The following KMT2C variants were observed in gnomAD, a reference collection of about 807,000 sequenced individuals.
KMT2C encodes histone-lysine N-methyltransferase 2C.
A neutral mutation model predicts 507.9 loss-of-function variants in KMT2C; 88 were observed. The ratio of observed to expected loss-of-function variants is 0.17; its 90% confidence interval spans 0.15 to 0.21. KMT2C has a LOEUF of 0.21. Among genes scored for constraint, KMT2C ranks in the 10% least tolerant of loss-of-function variants. The pLI, the probability that KMT2C is intolerant of heterozygous loss-of-function variation, is 1.00. For synonymous variants in KMT2C, 2,049 were observed against 2,080.8 expected (o/e 0.98, Z 0.42); for missense variants, 4,954 against 5,957.8 (o/e 0.83, Z 5.55).
chr7:152,297,096 AG>A (rs1172609516), intron 6 of KMT2C, among the ~76,000 whole-genome samples: 3 of 146,860 alleles, frequency 2.0e-5, no homozygotes, highest in African/African-American at 7.5e-5. Flanking sequence ...AGAGAGAGAA[AG>A]AAAGAAAGAC....
chr7:152,164,291 A>G (rs1036516399), intron 42 of KMT2C, among the ~76,000 whole-genome samples: 1 of 142,654 alleles, frequency 7.0e-6, no homozygotes, highest in African/African-American at 2.6e-5. Context: ...ATTGTACAAC[A>G]TTTTTTTTTT....
intron 2 of KMT2C, among the ~76,000 whole-genome samples, chr7:152,355,550 C>CA (rs1056331114): frequency 8.0e-5 from 12 of 150,632 alleles, no homozygotes; most frequent in African/African-American, 2.4e-4. Flanking sequence ...TAGGAAAAAA[C>CA]AAAAAAACAA....
rs375787040 is a variant in KMT2C at position 152,308,639 on chromosome 7, C to T, written c.849+1327G>A. On this transcript the variant is annotated intron_variant, in intron 6 of 58. Coordinates refer to ENST00000262189, the MANE Select transcript of KMT2C (RefSeq NM_170606.3). The stretch of plus-strand genomic sequence containing the variant: ...GCAGTGAGCTGAGATCATGCCACCA[C>T]ACTCCAGCCTGCACAACACAGCAAA... Among the ~76,000 whole-genome samples, 32 of 136,818 alleles carry T rather than the reference C, an allele frequency of 2.3e-4. No individual in the cohort carries two copies. The East Asian group carries it at 3.8e-3, about 16-fold the overall frequency. The allele number at this position is 136,818 out of a possible 152,430, so 89.8% of individuals were successfully genotyped here.
At chr7:152,338,556 A>T (rs2096959767) in intron 2 of KMT2C, among the ~76,000 whole-genome samples, 1 of 152,230 alleles carries the variant, frequency 6.6e-6, no homozygotes, top group Non-Finnish European at 1.5e-5. Context: ...GATAAATCAA[A>T]GTGTGCCTAA....
At chr7:152,346,593 A>G (rs1393141484) in intron 2 of KMT2C, among the ~76,000 whole-genome samples, 1 of 152,228 alleles carries the variant, frequency 6.6e-6, no homozygotes, top group Non-Finnish European at 1.5e-5. Flanking sequence ...AGGAAAAGTT[A>G]TGGCATTTAA....
At chr7:152,143,589 CA>C (rs1353717079) in intron 55 of KMT2C, among the ~76,000 whole-genome samples, 1 of 152,120 alleles carries the variant, frequency 6.6e-6, no homozygotes, top group East Asian at 1.9e-4. Context: ...GGTTTTAGTG[CA>C]AACACAGAGG....
At chr7:152,186,405 G>A (rs2093628474) in intron 33 of KMT2C, among the ~76,000 whole-genome samples, 1 of 152,182 alleles carries the variant, frequency 6.6e-6, no homozygotes, top group South Asian at 2.1e-4. Flanking sequence ...TGTAAGCATG[G>A]AAAGAAAGTG....
At chr7:152,384,044 CTG>C (rs560853000) in intron 1 of KMT2C, among the ~76,000 whole-genome samples, 1 of 149,780 alleles carries the variant, frequency 6.7e-6, no homozygotes, top group Non-Finnish European at 1.5e-5. Flanking sequence ...ACATGTGTGT[CTG>C]TGTGTGTGTG....
At chr7:152,293,651 G>T (rs1318139892) in intron 6 of KMT2C, among the ~76,000 whole-genome samples, 1 of 151,896 alleles carries the variant, frequency 6.6e-6, no homozygotes, top group African/African-American at 2.4e-5. Context: ...CATCACAAAG[G>T]TAAGTTCATT....
chr7:152,261,171 A>G (rs1328683868), intron 9 of KMT2C, among the ~76,000 whole-genome samples: 2 of 152,300 alleles, frequency 1.3e-5, no homozygotes, highest in Non-Finnish European at 2.9e-5. Flanking sequence ...TTCAACTGTT[A>G]AACTAACACC....
chr7:152,332,403 C>G (rs939757289), intron 2 of KMT2C, among the ~76,000 whole-genome samples: 3 of 152,146 alleles, frequency 2.0e-5, no homozygotes, highest in Non-Finnish European at 2.9e-5. Context: ...GCATCACTAA[C>G]CCCAAACAAA....
intron 24 of KMT2C, among the ~76,000 whole-genome samples, 170 bp from the exon 25 acceptor site, chr7:152,205,395 C>CAAAAAAAAAAA (rs35077313): frequency 1.7e-5 from 1 of 57,190 alleles, no homozygotes; most frequent in Non-Finnish European, 3.8e-5. Flanking sequence ...TAAAAACGAC[C>CAAAAAAAAAAA]AAAAAAAAAA....
At chr7:152,157,741 A>C in intron 44 of KMT2C, 1 of 1,200,474 alleles carries the variant, frequency 8.3e-7, no homozygotes, top group Non-Finnish European at 1.1e-6. Flanking sequence ...GCAAGACAAC[A>C]CCTTGGCAGA....
chr7:152,387,557 G>A (rs1321631824), intron 1 of KMT2C, among the ~76,000 whole-genome samples: 1 of 146,316 alleles, frequency 6.8e-6, no homozygotes, highest in Admixed American at 7.1e-5. Flanking sequence ...TGCAAGCTCT[G>A]CCTCCCGGGT....
intron 3 of KMT2C, among the ~76,000 whole-genome samples, chr7:152,323,842 G>C (rs1452923104): frequency 2.0e-5 from 3 of 150,480 alleles, no homozygotes; most frequent in Non-Finnish European, 4.4e-5. Context: ...AGTGGGGAGA[G>C]AGAGAGAGAG....
In KMT2C at chr7:152,181,974, G is replaced by C; in HGVS notation, c.5886C>G (p.Pro1962=). 6.2e-7 allele frequency: 1 copy of C among 1,614,142 alleles called. No individual in the cohort carries two copies. Among genetic ancestry groups the C allele is most frequent in the South Asian group, 1.1e-5 (1 of 91,086 alleles). ...TAGGTGTGTCTGGAGGTTTTGCATA[G>C]GGGTCATTATTTGTCGTGGAAGAAG... ...LCSSSTTNND[P]YAKPPDTPRP... The change falls in exon 36 of 59, where the codon CCC becomes CCG. Residue 1962 remains proline, a synonymous_variant. Coordinates refer to ENST00000262189, the MANE Select transcript of KMT2C (RefSeq NM_170606.3).
intron 2 of KMT2C, among the ~76,000 whole-genome samples, chr7:152,332,740 C>T (rs1289287504): frequency 6.6e-6 from 1 of 151,882 alleles, no homozygotes; most frequent in African/African-American, 2.4e-5. Context: ...CCCAGCTACT[C>T]GGGAGGCTGA....
At chr7:152,248,768 G>A in intron 13 of KMT2C, 148 bp from the exon 14 acceptor site, 1 of 584,514 alleles carries the variant, frequency 1.7e-6, no homozygotes, top group South Asian at 2.3e-5. Context: ...GAAAGCCAAA[G>A]TACACAAGGA....
intron 1 of KMT2C, among the ~76,000 whole-genome samples, chr7:152,386,538 T>C (rs2116510018): frequency 6.6e-6 from 1 of 152,310 alleles, no homozygotes; most frequent in East Asian, 1.9e-4. Flanking sequence ...GTCTGGACAA[T>C]GAAATGTGGG....
Sources: gnomAD v4.1 joint callset for allele counts (sites outside exome capture counted in the v4.1 genomes callset) on GRCh38, gnomAD v4.1.1 for gene constraint, MANE v1.5 for transcripts, NCBI Gene and HGNC (gene_info 2026-07-23, HGNC 2026-07-21) for gene names.